The following LDB2 variants were observed in gnomAD, a reference collection of about 807,000 sequenced individuals.
LDB2 encodes LIM domain binding 2.
LDB2 carries 12 observed loss-of-function variants against 44.3 expected under a neutral mutation model. The ratio of observed to expected loss-of-function variants is 0.27; its 90% CI spans 0.17 to 0.44. LDB2 has a LOEUF of 0.44. Among genes scored for constraint, LDB2 ranks in the 20% least tolerant of loss-of-function variants. The probability of loss-of-function intolerance (pLI) is 1.00; values close to 1 mark genes in which losing one functional copy is unlikely to be tolerated. For missense variants in LDB2, 344 were observed against 473.5 expected, an observed-to-expected ratio of 0.73 and a Z score of 2.54; for synonymous variants, 164 against 174.8, an observed-to-expected ratio of 0.94 and a Z score of 0.49.
At chr4:16,578,178 C>G (rs568856374) in intron 5 of LDB2, among the ~76,000 whole-genome samples, 2 of 152,134 alleles carry the variant, frequency 1.3e-5, no homozygotes, top group East Asian at 3.9e-4. Flanking sequence ...ACCAATACCC[C>G]ACAGGCACCC....
At chr4:16,571,335 A>C (rs772145641) in intron 5 of LDB2, among the ~76,000 whole-genome samples, 1 of 152,184 alleles carries the variant, frequency 6.6e-6, no homozygotes, top group Non-Finnish European at 1.5e-5. Context: ...TTGAAGTCTC[A>C]GATCAACAGG....
At chr4:16,892,304 G>A (rs1411115491) in intron 1 of LDB2, among the ~76,000 whole-genome samples, 1 of 141,384 alleles carries the variant, frequency 7.1e-6, no homozygotes, top group Non-Finnish European at 1.6e-5. Context: ...CAGGCCCTGA[G>A]ACTGTCATTG....
intron 1 of LDB2, among the ~76,000 whole-genome samples, chr4:16,869,977 A>C (rs1283089794): frequency 6.6e-6 from 1 of 152,022 alleles, no homozygotes; most frequent in Non-Finnish European, 1.5e-5. Flanking sequence ...GTCTTTGGGG[A>C]CTTGTTCTTT....
chr4:16,888,272 C>T (rs1426583059), intron 1 of LDB2, among the ~76,000 whole-genome samples: 1 of 152,204 alleles, frequency 6.6e-6, no homozygotes, highest in East Asian at 1.9e-4. Flanking sequence ...TGAAAGGGAA[C>T]CTTTTAATGT....
At chr4:16,776,404 C>T (rs191176716) in intron 1 of LDB2, among the ~76,000 whole-genome samples, 2 of 152,320 alleles carry the variant, frequency 1.3e-5, no homozygotes, top group Non-Finnish European at 2.9e-5. Context: ...GTGGAGACAA[C>T]ATCACAACCA....
chr4:16,727,260 T>C (rs1046991854), intron 2 of LDB2, among the ~76,000 whole-genome samples: 1 of 152,168 alleles, frequency 6.6e-6, no homozygotes, highest in African/African-American at 2.4e-5. Flanking sequence ...GTTTTTCTCC[T>C]AGGAGAAGAG....
rs1579973994 is a variant in LDB2, at chr4:16,820,835, T to C, written c.133-61575A>G. Among the ~76,000 whole-genome samples, 5 of 152,296 alleles carry C rather than the reference T, an allele frequency of 3.3e-5. No homozygotes were observed. In the South Asian group the frequency reaches 1.0e-3, roughly 32 times the overall value. On this transcript the variant is annotated intron_variant, in intron 1 of 7. Coordinates refer to ENST00000304523, the MANE Select transcript of LDB2 (RefSeq NM_001290.5). ...TCAAAATGGTCCGACAATATTTCAA[T>C]CTTATTTTTAAAGTCACTTTAGGAC...
intron 1 of LDB2, among the ~76,000 whole-genome samples, chr4:16,809,608 C>A (rs1779413241): frequency 6.6e-6 from 1 of 152,130 alleles, no homozygotes; most frequent in Admixed American, 6.5e-5. Flanking sequence ...GAGCAAAGGA[C>A]TTTAATCAAT....
chr4:16,597,046 A>C (rs1049963227), intron 2 of LDB2, among the ~76,000 whole-genome samples: 1 of 152,250 alleles, frequency 6.6e-6, no homozygotes, highest in African/African-American at 2.4e-5. Context: ...TTTAGCTAGG[A>C]AAGATCACCC....
chr4:16,704,724 G>A (rs1052776756), intron 2 of LDB2, among the ~76,000 whole-genome samples: 2 of 152,206 alleles, frequency 1.3e-5, no homozygotes, highest in African/African-American at 4.8e-5. Flanking sequence ...AGACAATGAT[G>A]CATGCTATGT....
intron 2 of LDB2, among the ~76,000 whole-genome samples, chr4:16,669,260 A>T (rs928967363): frequency 6.6e-6 from 1 of 152,190 alleles, no homozygotes; most frequent in South Asian, 2.1e-4. Context: ...TCCAGCCCAG[A>T]ATTCCCAGTT....
At chr4:16,808,784 A>G (rs558730049) in intron 1 of LDB2, among the ~76,000 whole-genome samples, 2 of 152,220 alleles carry the variant, frequency 1.3e-5, no homozygotes, top group South Asian at 2.1e-4. Context: ...TTGGTGAAGT[A>G]TCAGAACAGT....
At chr4:16,884,501 G>C (rs984714658) in intron 1 of LDB2, among the ~76,000 whole-genome samples, 3 of 152,150 alleles carry the variant, frequency 2.0e-5, no homozygotes, top group Admixed American at 6.5e-5. Context: ...AGCCTCAGCA[G>C]TGTCAAAATC....
intron 1 of LDB2, among the ~76,000 whole-genome samples, chr4:16,856,182 C>T (rs1789316446): frequency 6.6e-6 from 1 of 152,068 alleles, no homozygotes; most frequent in East Asian, 1.9e-4. Flanking sequence ...GACTTGCAAA[C>T]CTTTGAAACA....
intron 1 of LDB2, among the ~76,000 whole-genome samples, chr4:16,889,943 C>T (rs1317306558): frequency 6.6e-6 from 1 of 152,238 alleles, no homozygotes; most frequent in Admixed American, 6.5e-5. Context: ...TGCTGGGACT[C>T]TTTTCCTTTA....
rs571498974 is a variant in LDB2, at chr4:16,867,458, C to G, written c.132+30896G>C. On this transcript the variant is annotated intron_variant, in intron 1 of 7. Coordinates refer to ENST00000304523, the MANE Select transcript of LDB2 (RefSeq NM_001290.5). ...GACAAGAAAAGGGAACTGCAATCAA[C>G]TCTTAAGAAATAGCCCATACCGGTT... is the stretch of plus-strand genomic sequence containing the variant. Among the ~76,000 whole-genome samples, 4 of 152,228 alleles carry G rather than the reference C, an allele frequency of 2.6e-5. No homozygotes were observed. In the South Asian group the frequency reaches 8.3e-4, roughly 32 times the overall value.
intron 7 of LDB2, 26 bp downstream of exon 7, chr4:16,508,509 G>T (rs201401941): frequency 6.6e-7 from 1 of 1,507,712 alleles, no homozygotes; most frequent in Admixed American, 2.0e-5. Flanking sequence ...TTAGGATTTC[G>T]GGCCTAAGAG....
chr4:16,804,852 T>C (rs1439012101), intron 1 of LDB2, among the ~76,000 whole-genome samples: 1 of 152,216 alleles, frequency 6.6e-6, no homozygotes, highest in African/African-American at 2.4e-5. Context: ...TTGGCCACCA[T>C]AACAAAGTGC....
intron 1 of LDB2, among the ~76,000 whole-genome samples, chr4:16,862,245 A>C (rs557969489): frequency 6.7e-6 from 1 of 150,164 alleles, no homozygotes; most frequent in East Asian, 1.9e-4. Context: ...CATTTTTTTC[A>C]ATTTTTTTTT....
Sources: allele counts gnomAD v4.1 joint callset (sites outside exome capture counted in the v4.1 genomes callset), GRCh38; gene constraint gnomAD v4.1.1; transcripts MANE v1.5; gene names NCBI Gene and HGNC (gene_info 2026-07-23, HGNC 2026-07-21).